Variants in KIF14 observed in about 807,000 individuals in gnomAD.
KIF14 encodes kinesin family member 14, also known as kinesin-like protein KIF14.
In KIF14, 98 loss-of-function variants were observed where a neutral mutation model predicts 176.2. That is an observed-to-expected ratio of 0.56 (90% CI 0.47 to 0.66). The LOEUF (loss-of-function observed/expected upper bound fraction) is 0.66. KIF14 is among the 30% of genes least tolerant of loss of function. The pLI is 0.00. For synonymous variants in KIF14, 566 were observed against 632.2 expected (o/e 0.90, Z 1.57); for missense variants, 1,751 against 1,920.4 (o/e 0.91, Z 1.65).
At chr1:200,609,259 G>A (rs1170169771) in intron 4 of KIF14, among the ~76,000 whole-genome samples, 3 of 152,190 alleles carry the variant, frequency 2.0e-5, no homozygotes, top group African/African-American at 7.2e-5. Flanking sequence ...GTGTGGGTGA[G>A]GATGTGGAGA....
At chr1:200,617,545 G>A in intron 2 of KIF14, 67 bp downstream of exon 2, 1 of 1,458,468 alleles carries the variant, frequency 6.9e-7, no homozygotes, top group Non-Finnish European at 9.3e-7. Flanking sequence ...CCTTCCAAAG[G>A]CAGAGAGGAA....
chr1:200,612,453 C>A (rs1224096876), intron 4 of KIF14, among the ~76,000 whole-genome samples: 2 of 152,186 alleles, frequency 1.3e-5, no homozygotes, highest in Non-Finnish European at 2.9e-5. Flanking sequence ...CTTCAAATTA[C>A]TATCCCTCTA....
rs201934562 is a variant in KIF14, at chr1:200,553,523, T to G, written c.4812A>C (p.Glu1604Asp). The change falls in exon 30 of 30, where the codon GAA becomes GAC. Residue 1604 changes from glutamate (E) to aspartate (D), a missense_variant. By Grantham distance (45) the Glu-to-Asp change is conservative. Transcript: ENST00000367350. ...TCCCGCTTGATTTAGATTGTTGGTG[T>G]TCTTCTTTGGTATTTTGATTATAAG... ...WETYNQNTKEEHQQSKSSGID... is the reference protein window; with the variant it reads ...WETYNQNTKEDHQQSKSSGID... The G allele has an allele frequency of 9.9e-6, 16 of 1,614,112 alleles. No individual in the cohort carries two copies. The East Asian group carries it at 3.6e-4, about 36-fold the overall frequency.
chr1:200,593,923 A>G (rs1659181387), intron 14 of KIF14, among the ~76,000 whole-genome samples, 154 bp from the exon 15 acceptor site: 1 of 117,838 alleles, frequency 8.5e-6, no homozygotes, highest in Non-Finnish European at 1.7e-5. Flanking sequence ...TTTTCCTCCA[A>G]CTAGTTTTTT....
intron 22 of KIF14, among the ~76,000 whole-genome samples, chr1:200,574,864 G>A (rs918202771): frequency 1.3e-5 from 2 of 150,912 alleles, no homozygotes; most frequent in African/African-American, 4.9e-5. Context: ...GTTCATACTA[G>A]CTTTACTGCA....
chr1:200,569,362 C>T (rs1331645886), intron 23 of KIF14, among the ~76,000 whole-genome samples: 1 of 151,960 alleles, frequency 6.6e-6, no homozygotes, highest in African/African-American at 2.4e-5. Flanking sequence ...AGGAATAATT[C>T]CTTTTTTAAA....
chr1:200,570,132 A>G (rs1368743780), intron 22 of KIF14, 127 bp from the exon 23 acceptor site: 7 of 485,944 alleles, frequency 1.4e-5, no homozygotes, highest in African/African-American at 1.4e-4. Context: ...AATTTTCATC[A>G]AAGGAAAAAT....
intron 14 of KIF14, among the ~76,000 whole-genome samples, chr1:200,595,309 CT>C (rs1380035589): frequency 6.6e-6 from 1 of 152,148 alleles, no homozygotes; most frequent in Non-Finnish European, 1.5e-5. Context: ...TACTGAAGTT[CT>C]TTTTTTCTCT....
chr1:200,608,159 C>T (rs936134519), intron 5 of KIF14, among the ~76,000 whole-genome samples: 8 of 152,050 alleles, frequency 5.3e-5, no homozygotes, highest in African/African-American at 1.9e-4. Context: ...CACTGAAATA[C>T]ATATTCTATA....
intron 25 of KIF14, among the ~76,000 whole-genome samples, chr1:200,563,563 G>C (rs1471829707): frequency 1.3e-5 from 2 of 151,908 alleles, no homozygotes; most frequent in African/African-American, 2.4e-5. Flanking sequence ...TAGAGACAAA[G>C]TATCTAACAA....
intron 22 of KIF14, among the ~76,000 whole-genome samples, chr1:200,571,255 T>C (rs1657771062): frequency 7.0e-6 from 1 of 143,704 alleles, no homozygotes; most frequent in South Asian, 2.2e-4. Flanking sequence ...GGGGAGCTTA[T>C]AATGAGCGGA....
chr1:200,565,020 A>G, intron 25 of KIF14, 49 bp downstream of exon 25: 1 of 1,431,420 alleles, frequency 7.0e-7, no homozygotes, highest in Non-Finnish European at 9.7e-7. Context: ...AAAGCCAATA[A>G]ATAATTATTA....
Position 200,565,435 on chromosome 1 carries a change from G to T in KIF14, c.3886+10C>A. 1 of 1,558,496 alleles carries T rather than the reference G, an allele frequency of 6.4e-7. No homozygotes were observed. On this transcript the variant is annotated intron_variant, in intron 24 of 29. Coordinates refer to ENST00000367350, the MANE Select transcript of KIF14 (RefSeq NM_014875.3). ...TTATGTGAGTTAACAAAAGCAGTGA[G>T]ATTGCTTACAGTTATCTTGACTTTC... is the stretch of plus-strand genomic sequence containing the variant.
chr1:200,605,282 C>T lies in KIF14; in HGVS notation c.1746+1G>A. 1.2e-6 allele frequency: 2 copies of T among 1,608,362 alleles called. No homozygotes were observed. The highest frequency in any genetic ancestry group is 1.7e-6 in the Non-Finnish European group (2 of 1,176,166). The stretch of plus-strand genomic sequence containing the variant: ...AGATCGGGAACTTTTAAAAAAAATA[C>T]CTTGGTCTGGGTCATCACCAGGGTG... On this transcript the variant is annotated splice_donor_variant, in intron 8 of 29. Transcript: ENST00000367350. LOFTEE classifies it high-confidence loss of function.
At chr1:200,614,598 T>G (rs1660313740) in intron 3 of KIF14, among the ~76,000 whole-genome samples, 193 bp from the exon 4 acceptor site, 1 of 151,952 alleles carries the variant, frequency 6.6e-6, no homozygotes, top group South Asian at 2.1e-4. Flanking sequence ...AAACTTCAAT[T>G]TCCTCTACTG....
rs1480566112 is a variant in KIF14, at chr1:200,598,342, ATCTCAGATAGT to A, written c.2433_2443del (p.Gln811HisfsTer17). On this transcript the variant is annotated frameshift_variant, in exon 14 of 30. Transcript: ENST00000367350. LOFTEE classifies it high-confidence loss of function. ...TCCTTCTTTTATCATATATAGCAGC[ATCTCAGATAGT>A]TGTGGATCTTCATTCAGATTAACAA... 1 of 1,613,308 alleles carries A rather than the reference ATCTCAGATAGT, an allele frequency of 6.2e-7. No homozygotes were observed. Among genetic ancestry groups the A allele is most frequent in the Admixed American group, 1.7e-5 (1 of 59,974 alleles).
Position 200,598,790 on chromosome 1 carries a change from C to T in KIF14, c.2365-369G>A, listed in dbSNP as rs1284128542. Among the ~76,000 whole-genome samples, 3 of 152,108 alleles carry T rather than the reference C, an allele frequency of 2.0e-5. No individual in the cohort carries two copies. In the East Asian group the frequency reaches 5.8e-4, roughly 29 times the overall value. On this transcript the variant is annotated intron_variant, in intron 13 of 29. Transcript: ENST00000367350. The stretch of plus-strand genomic sequence containing the variant: ...ATCAGGCTGGTCTCGAACTCCTGAC[C>T]TCAGGTGATCCACCCGCCTCAGCCT...
At position 200,565,636 on chromosome 1, in the gene KIF14, T is replaced by C. The variant is rs765869623; in HGVS notation, c.3695A>G (p.Asn1232Ser). The change falls in exon 24 of 30, where the codon AAT becomes AGT. Residue 1232 changes from asparagine to serine, a missense_variant. Physicochemically the swap from Asn to Ser is conservative, Grantham distance 46 (BLOSUM62 1). Transcript: ENST00000367350. ...TCCAGGAAGAAAGGACTCTGCTGAA[T>C]TTGAGTAAATAGTGCTTGATTTGTC... is the stretch of plus-strand genomic sequence containing the variant. ...LMDKSSTIYS[N>S]SAESFLPGIC... The C allele has an allele frequency of 6.2e-7, 1 of 1,605,980 alleles. No individual in the cohort carries two copies. Among genetic ancestry groups the C allele is most frequent in the Non-Finnish European group, 8.5e-7 (1 of 1,178,378 alleles).
In KIF14 at chr1:200,581,203, G is replaced by T; in HGVS notation, c.3333C>A (p.Gly1111=). The part of the protein sequence containing the change: ...SSKLKTYYVF[G]RHDISDKSSS... ...AATCAGGATAATTAATTACTCACCTGCCAAAAACATAGTATGTTTTCAATT... is the reference window on the plus strand; with the variant it reads ...AATCAGGATAATTAATTACTCACCTTCCAAAAACATAGTATGTTTTCAATT... Residue 1111 remains glycine (G), a splice_region_variant and synonymous_variant, in exon 20 of 30, where the codon GGC becomes GGA. Transcript: ENST00000367350. 6.4e-7 allele frequency: 1 copy of T among 1,565,104 alleles called. No individual in the cohort carries two copies. Among genetic ancestry groups the T allele is most frequent in the Non-Finnish European group, 8.7e-7 (1 of 1,149,420 alleles).
Sources: allele counts gnomAD v4.1 joint callset (sites outside exome capture counted in the v4.1 genomes callset), GRCh38; gene constraint gnomAD v4.1.1; transcripts MANE v1.5; gene names NCBI Gene and HGNC (gene_info 2026-07-23, HGNC 2026-07-21).